SVEP1: variants seen among roughly 807,000 people sequenced by gnomAD.
SVEP1 encodes the protein sushi, von Willebrand factor type A, EGF and pentraxin domain-containing protein 1.
Under a neutral mutation model 367.3 loss-of-function variants are expected in SVEP1, and 164 were observed. The ratio of observed to expected loss-of-function variants is 0.45; its 90% CI spans 0.39 to 0.51. The LOEUF is 0.51. Among genes scored for constraint, SVEP1 ranks in the 20% least tolerant of loss-of-function variants. The pLI is 0.00. For synonymous variants in SVEP1, 1,666 were observed against 1,611.6 expected (o/e 1.03, Z -0.81); for missense variants, 4,117 against 4,425.3 (o/e 0.93, Z 1.98).
intron 25 of SVEP1, 78 bp downstream of exon 25, chr9:110,446,822 G>A (rs1380257195): frequency 7.5e-7 from 1 of 1,327,666 alleles, no homozygotes; most frequent in Non-Finnish European, 9.8e-7. Context: ...ACACTGCTTG[G>A]TGCAGGCAAA....
At chr9:110,409,806 C>A (rs935872690) in intron 37 of SVEP1, among the ~76,000 whole-genome samples, 2 of 151,944 alleles carry the variant, frequency 1.3e-5, no homozygotes, top group Admixed American at 1.3e-4. Context: ...AATTAATATT[C>A]GTGATCTCAA....
At position 110,406,950 on chromosome 9, in the gene SVEP1, G is replaced by C; in HGVS notation, c.8650C>G (p.Pro2884Ala). Reference sequence around the variant, plus strand: ...GCACATCTGACAGGCACACAGTCGGGAGTGGCTCCACTCCAACTTCCATTG... The same window carrying C: ...GCACATCTGACAGGCACACAGTCGGCAGTGGCTCCACTCCAACTTCCATTG... ...LANGSWSGAT[P>A]DCVPVRCATP... Residue 2884 changes from proline (P) to alanine (A), a missense_variant, in exon 38 of 48, where the codon CCC (proline) becomes GCC (alanine). Pro to Ala is a conservative substitution (Grantham distance 27). Around this residue, in one of 4 missense-constraint regions of SVEP1, gnomAD observed 1,765 missense variants for 1,781.1 expected, o/e 0.99. Transcript: ENST00000374469. 6.2e-7 allele frequency: 1 copy of C among 1,613,916 alleles called. No individual in the cohort carries two copies.
chr9:110,399,928 T>C (rs1043111891), intron 40 of SVEP1, among the ~76,000 whole-genome samples: 1 of 152,222 alleles, frequency 6.6e-6, no homozygotes, highest in Non-Finnish European at 1.5e-5. Context: ...AATAGGCCTC[T>C]TAAATTTCAA....
Position 110,434,470 on chromosome 9 carries a change from C to G in SVEP1, c.4925G>C (p.Arg1642Thr). 6.2e-7 allele frequency: 1 copy of G among 1,613,350 alleles called. No individual in the cohort carries two copies. The highest frequency in any genetic ancestry group is 8.5e-7 in the Non-Finnish European group (1 of 1,179,706). ...PRLGGSVPHL[R>T]TASEDLKPGS... ...TGGCTTTAAATCTTCAGATGCAGTT[C>G]TCAGATGAGGCACTGACCCTCCTAA... is the stretch of plus-strand genomic sequence containing the variant. Residue 1642 changes from arginine (R) to threonine (T), a missense_variant, in exon 30 of 48, where the codon AGA (arginine) becomes ACA (threonine). Arg to Thr is a moderately conservative substitution (Grantham distance 71, BLOSUM62 -1). Coordinates refer to ENST00000374469, the MANE Select transcript of SVEP1 (RefSeq NM_153366.4).
At chr9:110,387,643 A>T (rs1827545958) in intron 41 of SVEP1, among the ~76,000 whole-genome samples, 185 bp from the exon 42 acceptor site, 1 of 152,258 alleles carries the variant, frequency 6.6e-6, no homozygotes, top group Non-Finnish European at 1.5e-5. Flanking sequence ...TAATACATGC[A>T]TGCAATTAAA....
rs1828368175 is a variant in SVEP1 at position 110,432,618 on chromosome 9, G to C, written c.5077C>G (p.Pro1693Ala). The change falls in exon 31 of 48, where the codon CCA becomes GCA. Residue 1693 changes from proline (P) to alanine (A), a missense_variant. Physicochemically the swap from Pro to Ala is conservative, Grantham distance 27 (BLOSUM62 -1). Transcript: ENST00000374469. ...PHCERISCGV[P>A]PPLENGFHSA... The stretch of plus-strand genomic sequence containing the variant: ...TGGAAGCCATTCTCCAAAGGAGGTG[G>C]CACCCCACAGCTAATGCCTGTAAGG... The C allele has an allele frequency of 6.2e-7, 1 of 1,612,162 alleles. No individual in the cohort carries two copies. The highest frequency in any genetic ancestry group is 1.7e-4 in the Middle Eastern group (1 of 6,042).
intron 12 of SVEP1, among the ~76,000 whole-genome samples, 174 bp downstream of exon 12, chr9:110,481,068 T>C (rs1829179454): frequency 6.6e-6 from 1 of 152,224 alleles, no homozygotes; most frequent in Non-Finnish European, 1.5e-5. Context: ...AATAAGACTT[T>C]AGTGACTAAT....
chr9:110,539,669 A>G (rs924396972), intron 3 of SVEP1, among the ~76,000 whole-genome samples: 1 of 151,394 alleles, frequency 6.6e-6, no homozygotes, highest in East Asian at 1.9e-4. Context: ...ATATATGTAC[A>G]TTACATATAT....
chr9:110,451,332 A>G lies in SVEP1; in HGVS notation c.3858T>C (p.Asp1286=). Residue 1286 remains aspartate, a synonymous_variant, in exon 23 of 48, where the codon GAT becomes GAC. Coordinates refer to ENST00000374469, the MANE Select transcript of SVEP1 (RefSeq NM_153366.4). The part of the protein sequence containing the change: ...SPCLNKGICV[D]GVAGYRCTCV... ...ATGTGCAACGATAGCCAGCCACACC[A>G]TCAACACAGATTCCTTTATTTAAAC... The G allele has an allele frequency of 6.2e-7, 1 of 1,613,854 alleles. No homozygotes were observed. The highest frequency in any genetic ancestry group is 1.3e-5 in the African/African-American group (1 of 75,050).
intron 9 of SVEP1, among the ~76,000 whole-genome samples, chr9:110,486,980 G>C (rs1425817427): frequency 6.6e-6 from 1 of 151,040 alleles, no homozygotes; most frequent in African/African-American, 2.4e-5. Context: ...CTTTGAGACG[G>C]AGTTTTGCTC....
chr9:110,523,331 T>A (rs1304384021), intron 3 of SVEP1, among the ~76,000 whole-genome samples: 1 of 152,210 alleles, frequency 6.6e-6, no homozygotes, highest in African/African-American at 2.4e-5. Flanking sequence ...CATTTTTGAA[T>A]GCCAATAGCA....
At chr9:110,410,135 TA>T (rs1828024222) in intron 37 of SVEP1, among the ~76,000 whole-genome samples, 1 of 152,222 alleles carries the variant, frequency 6.6e-6, no homozygotes, top group Non-Finnish European at 1.5e-5. Context: ...GCAAAAGCCT[TA>T]AATAAAAGGC....
At chr9:110,454,093 T>C (rs1237338650) in intron 22 of SVEP1, among the ~76,000 whole-genome samples, 1 of 152,204 alleles carries the variant, frequency 6.6e-6, no homozygotes, top group Non-Finnish European at 1.5e-5. Context: ...AAGCTCCTTA[T>C]AGATTCTGAA....
chr9:110,502,656 C>T (rs527391075), intron 6 of SVEP1, among the ~76,000 whole-genome samples: 6 of 152,074 alleles, frequency 3.9e-5, no homozygotes, highest in Non-Finnish European at 8.8e-5. Flanking sequence ...TTAAGATTCA[C>T]TGGTTCCTAA....
intron 12 of SVEP1, among the ~76,000 whole-genome samples, chr9:110,479,985 A>G (rs984809990): frequency 6.6e-6 from 1 of 152,198 alleles, no homozygotes; most frequent in African/African-American, 2.4e-5. Context: ...TGCTTTTGAT[A>G]TATGATTCTT....
In SVEP1 at chr9:110,474,476, A is replaced by G. The variant is rs1214533748; in HGVS notation, c.2599+1728T>C. 6.6e-5 allele frequency among the ~76,000 whole-genome samples: 10 copies of G among 152,154 alleles called. No homozygotes were observed. In the East Asian group the frequency reaches 1.9e-3, roughly 29 times the overall value. On this transcript the variant is annotated intron_variant, in intron 14 of 47. Transcript: ENST00000374469. ...GAGCAATGCTTGTTTTTAGGATCAC[A>G]GGATCACATGTGCCACCTGCCCATG...
chr9:110,372,054 A>G (rs1827286176), intron 46 of SVEP1, among the ~76,000 whole-genome samples: 1 of 152,180 alleles, frequency 6.6e-6, no homozygotes, highest in South Asian at 2.1e-4. Flanking sequence ...GCCCATCTTT[A>G]GAGCTTCATT....
In SVEP1 at chr9:110,483,593, G is replaced by C; in HGVS notation, c.2031C>G (p.Asp677Glu). The change falls in exon 10 of 48, where the codon GAC becomes GAG. Residue 677 changes from aspartate to glutamate, a missense_variant. By Grantham distance (45) the Asp-to-Glu change is conservative. Coordinates refer to ENST00000374469, the MANE Select transcript of SVEP1 (RefSeq NM_153366.4). ...AASWDEPQFS[D>E]NSGAELVITR... Reference sequence around the variant, plus strand: ...AAGTCCTTGTCACCTCACCTGAGTTGTCTGAGAACTGAGGCTCATCCCAGC... The same window carrying C: ...AAGTCCTTGTCACCTCACCTGAGTTCTCTGAGAACTGAGGCTCATCCCAGC... 1.2e-6 allele frequency: 2 copies of C among 1,610,822 alleles called. No homozygotes were observed. The highest frequency in any genetic ancestry group is 3.4e-5 in the Admixed American group (2 of 59,424).
chr9:110,571,428 C>A (rs1830560877), intron 1 of SVEP1, among the ~76,000 whole-genome samples: 1 of 152,174 alleles, frequency 6.6e-6, no homozygotes, highest in Admixed American at 6.5e-5. Flanking sequence ...TCCTTTTCTC[C>A]TTCTTGGCAT....
Sources: gnomAD v4.1 joint callset for allele counts (sites outside exome capture counted in the v4.1 genomes callset) on GRCh38, gnomAD v4.1.1 for gene constraint, gnomAD v4.1.1 regional missense constraint, MANE v1.5 for transcripts, NCBI Gene and HGNC (gene_info 2026-07-23, HGNC 2026-07-21) for gene names.